RAPGEF4: variants seen among roughly 807,000 people sequenced by gnomAD.
RAPGEF4 encodes the protein RAP guanine-nucleotide-exchange factor (GEF) 4.
A neutral mutation model predicts 147.9 loss-of-function variants in RAPGEF4; 66 were observed. The ratio of observed to expected loss-of-function variants is 0.45; its 90% CI spans 0.37 to 0.55. The LOEUF (loss-of-function observed/expected upper bound fraction) is 0.55, where lower values mean the gene tolerates loss of function less well. RAPGEF4 is among the 20% of genes least tolerant of loss of function. The pLI is 0.00. For missense variants in RAPGEF4, 1,071 were observed against 1,257.3 expected (o/e 0.85, Z 2.24); for synonymous variants, 419 against 442.7 (o/e 0.95, Z 0.67).
At chr2:173,030,847 A>G (rs1697125249) in intron 26 of RAPGEF4, among the ~76,000 whole-genome samples, 1 of 152,250 alleles carries the variant, frequency 6.6e-6, no homozygotes, top group African/African-American at 2.4e-5. Flanking sequence ...TGTAGCAAAT[A>G]TAATGAATGG....
intron 6 of RAPGEF4, among the ~76,000 whole-genome samples, chr2:172,960,259 C>G (rs558791216): frequency 6.6e-6 from 1 of 152,204 alleles, no homozygotes; most frequent in South Asian, 2.1e-4. Flanking sequence ...ATAGAACCGC[C>G]AAGAAGTCGC....
Position 173,030,204 on chromosome 2 carries a change from G to A in RAPGEF4, c.2599G>A (p.Val867Ile), listed in dbSNP as rs777439596. Reference sequence around the variant, plus strand: ...AAATCTGAATTCCTTTTTTGCCATCGTCATGGGACTAAGTAACGTTGCTGT... The same window carrying A: ...AAATCTGAATTCCTTTTTTGCCATCATCATGGGACTAAGTAACGTTGCTGT... ...YKNLNSFFAI[V>I]MGLSNVAVSR... The change falls in exon 26 of 31, where the codon GTC (valine) becomes ATC (isoleucine). Residue 867 changes from valine (V) to isoleucine (I), a missense_variant. Physicochemically the swap from Val to Ile is conservative, Grantham distance 29. Coordinates refer to ENST00000397081, the MANE Select transcript of RAPGEF4 (RefSeq NM_007023.4). 18 of 1,613,408 alleles carry A rather than the reference G, an allele frequency of 1.1e-5. No homozygotes were observed. Among genetic ancestry groups the A allele is most frequent in the Admixed American group, 5.0e-5 (3 of 59,980 alleles).
intron 6 of RAPGEF4, among the ~76,000 whole-genome samples, chr2:172,944,785 T>A (rs896152738): frequency 2.0e-5 from 3 of 152,166 alleles, no homozygotes; most frequent in Admixed American, 6.5e-5. Flanking sequence ...CAAAAAAAAT[T>A]ATGTCCACAG....
chr2:172,994,897 C>T (rs991760250), intron 15 of RAPGEF4, among the ~76,000 whole-genome samples: 1 of 152,018 alleles, frequency 6.6e-6, no homozygotes, highest in Non-Finnish European at 1.5e-5. Flanking sequence ...CCTCTAGGCT[C>T]CAAAGCCAGG....
chr2:173,020,583 T>C, intron 22 of RAPGEF4, 35 bp from the exon 23 acceptor site: 1 of 1,543,234 alleles, frequency 6.5e-7, no homozygotes, highest in Non-Finnish European at 9.0e-7. Context: ...CTCAGATGTA[T>C]TTAATAGGCA....
chr2:173,014,773 A>G (rs906733731), intron 18 of RAPGEF4, among the ~76,000 whole-genome samples, 159 bp downstream of exon 18: 5 of 152,226 alleles, frequency 3.3e-5, no homozygotes, highest in Non-Finnish European at 7.3e-5. Context: ...AAGTAAGGAA[A>G]AAATTTACCC....
chr2:172,759,109 A>G (rs1696057020), intron 1 of RAPGEF4, among the ~76,000 whole-genome samples: 1 of 152,220 alleles, frequency 6.6e-6, no homozygotes, highest in African/African-American at 2.4e-5. Flanking sequence ...AACATCAGGA[A>G]GAAGAAAGAC....
chr2:172,908,435 G>A (rs1699818871), intron 4 of RAPGEF4, among the ~76,000 whole-genome samples: 1 of 152,104 alleles, frequency 6.6e-6, no homozygotes, highest in Non-Finnish European at 1.5e-5. Context: ...AGTTTTTGTT[G>A]ACAAACCTTT....
At chr2:172,925,861 AAAG>A (rs1685270099) in intron 6 of RAPGEF4, among the ~76,000 whole-genome samples, 1 of 149,984 alleles carries the variant, frequency 6.7e-6, no homozygotes, top group Non-Finnish European at 1.5e-5. Context: ...GAAGGAAAGA[AAAG>A]AGAGAGAAGG....
chr2:172,772,414 G>A (rs1255969140), intron 1 of RAPGEF4, among the ~76,000 whole-genome samples: 2 of 151,714 alleles, frequency 1.3e-5, no homozygotes, highest in East Asian at 3.9e-4. Flanking sequence ...CGCAATCTTG[G>A]CTCACTGCAG....
At chr2:172,751,257 C>G (rs922754318) in intron 1 of RAPGEF4, among the ~76,000 whole-genome samples, 3 of 152,160 alleles carry the variant, frequency 2.0e-5, no homozygotes, top group Non-Finnish European at 4.4e-5. Context: ...GCCAGTCACT[C>G]TTGCTGGGTA....
At chr2:172,748,843 G>A (rs557932000) in intron 1 of RAPGEF4, among the ~76,000 whole-genome samples, 2 of 152,302 alleles carry the variant, frequency 1.3e-5, no homozygotes, top group South Asian at 4.1e-4. Context: ...ATACAATGGG[G>A]TTACAGATAT....
chr2:172,965,365 T>G, intron 8 of RAPGEF4, 197 bp from the exon 9 acceptor site: 1 of 658,744 alleles, frequency 1.5e-6, no homozygotes, highest in South Asian at 1.9e-5. Context: ...AGTTCTCTCA[T>G]GAGCTGAGTG....
chr2:172,870,482 A>C (rs2149807964), intron 4 of RAPGEF4, among the ~76,000 whole-genome samples: 1 of 152,312 alleles, frequency 6.6e-6, no homozygotes, highest in South Asian at 2.1e-4. Flanking sequence ...ATCCCTCTTA[A>C]GTAGCTGTGG....
chr2:172,848,566 A>G (rs1314712421), intron 4 of RAPGEF4, among the ~76,000 whole-genome samples: 1 of 152,164 alleles, frequency 6.6e-6, no homozygotes, highest in Non-Finnish European at 1.5e-5. Flanking sequence ...AGTCAGGGCA[A>G]ATGCTAAGGG....
At position 172,821,417 on chromosome 2, in the gene RAPGEF4, A is replaced by T. The variant is rs369707071; in HGVS notation, c.444+6992A>T. Among the ~76,000 whole-genome samples the T allele has an allele frequency of 3.9e-5, 6 of 152,304 alleles. No homozygotes were observed. In the East Asian group the frequency reaches 5.8e-4, roughly 15 times the overall value. ...TCAGGAGCCCGAGCTTACTTTTGGC[A>T]ACCTTGGAGCTTGTACTGTAGGGTT... On this transcript the variant is annotated intron_variant, in intron 4 of 30. Transcript: ENST00000397081.
chr2:173,021,090 G>A (rs1696041746), intron 23 of RAPGEF4, among the ~76,000 whole-genome samples: 1 of 152,188 alleles, frequency 6.6e-6, no homozygotes, highest in South Asian at 2.1e-4. Flanking sequence ...TTATGGCAAA[G>A]CCACCATCTG....
Position 172,983,964 on chromosome 2 carries a change from A to G in RAPGEF4, c.1089+384A>G, listed in dbSNP as rs533012722. On this transcript the variant is annotated intron_variant, in intron 11 of 30. Coordinates refer to ENST00000397081, the MANE Select transcript of RAPGEF4 (RefSeq NM_007023.4). ...GGGTGGAAAGAGGGAAACCTAGATG[A>G]CCTGTCTTGGCTTATGGGGCCAACT... Among the ~76,000 whole-genome samples, 78 of 152,222 alleles carry G rather than the reference A, an allele frequency of 5.1e-4. 1 individual carries two copies. Among genetic ancestry groups the G allele is most frequent in the African/African-American group, 1.9e-3 (77 of 41,536 alleles).
chr2:173,015,703 G>A (rs1193749841), intron 18 of RAPGEF4, among the ~76,000 whole-genome samples: 1 of 152,168 alleles, frequency 6.6e-6, no homozygotes, highest in Non-Finnish European at 1.5e-5. Flanking sequence ...CTGCTGCAGA[G>A]CAGGCACACC....
Sources: allele counts gnomAD v4.1 joint callset (sites outside exome capture counted in the v4.1 genomes callset), GRCh38; gene constraint gnomAD v4.1.1; transcripts MANE v1.5; gene names NCBI Gene and HGNC (gene_info 2026-07-23, HGNC 2026-07-21).